Variants in LYSMD3 observed in about 807,000 individuals in gnomAD.
LYSMD3 encodes the protein LysM domain containing 3.
Under a neutral mutation model 26.1 loss-of-function variants are expected in LYSMD3, and 13 were observed. The observed-to-expected ratio is 0.50, with a 90% CI of 0.32 to 0.79. The LOEUF (loss-of-function observed/expected upper bound fraction) is 0.79. Ranked by LOEUF, LYSMD3 falls within the 30% of genes least tolerant of loss-of-function variation. The pLI is 0.03. For missense variants in LYSMD3, 331 were observed against 362.5 expected (o/e 0.91, Z 0.71); for synonymous variants, 109 against 119.4 (o/e 0.91, Z 0.57).
Position 90,517,878 on chromosome 5 carries a change from A to G in LYSMD3, c.*941T>C, listed in dbSNP as rs1752987258. On this transcript the variant is annotated 3_prime_UTR_variant, in exon 3 of 3. Transcript: ENST00000315948. The stretch of plus-strand genomic sequence containing the variant: ...GTAACGAATCTGATTGGACCATATG[A>G]AATAATGCTTATTTTTAATTCTGAA... 1.3e-5 allele frequency: 2 copies of G among 152,496 alleles called. No homozygotes were observed. The highest frequency in any genetic ancestry group is 2.4e-5 in the African/African-American group (1 of 41,428). 9.4% of individuals were successfully genotyped at this position (152,496 alleles called of 1,614,324 possible). A position where few individuals can be genotyped will look rare whatever the true frequency, so the allele number is the denominator to read the frequency against.
intron 1 of LYSMD3, chr5:90,529,200 A>G (rs1054335020): frequency 2.8e-6 from 1 of 353,394 alleles, no homozygotes; most frequent in East Asian, 7.6e-5. Context: ...TTAGCTGCCC[A>G]GGTAATCCAG....
At position 90,518,231 on chromosome 5, in the gene LYSMD3, T is replaced by C. The variant is rs2151920292; in HGVS notation, c.*588A>G. The C allele has an allele frequency of 2.0e-5, 3 of 152,366 alleles. No individual in the cohort carries two copies. The highest frequency in any genetic ancestry group is 2.0e-4 in the Admixed American group (3 of 15,300). The allele number at this position is 152,366 out of a possible 1,614,324, so 9.4% of individuals were successfully genotyped here. On this transcript the variant is annotated 3_prime_UTR_variant, in exon 3 of 3. Coordinates refer to ENST00000315948, the MANE Select transcript of LYSMD3 (RefSeq NM_198273.2). ...AACCATAATACATTATTTTGGGGTCTTGAAAATATTTTAATCTATTTCTTG... is the reference window on the plus strand; with the variant it reads ...AACCATAATACATTATTTTGGGGTCCTGAAAATATTTTAATCTATTTCTTG...
At chr5:90,520,697 A>T (rs1753069491) in intron 2 of LYSMD3, among the ~76,000 whole-genome samples, 1 of 152,186 alleles carries the variant, frequency 6.6e-6, no homozygotes, top group Non-Finnish European at 1.5e-5. Context: ...AGGCAGGTAG[A>T]TCACCTGAGG....
Position 90,529,550 on chromosome 5 carries a change from C to A in LYSMD3, c.-114G>T, listed in dbSNP as rs1423607107. The A allele has an allele frequency of 6.6e-6, 3 of 456,498 alleles. No individual in the cohort carries two copies. In the Admixed American group the frequency reaches 7.0e-5, roughly 11 times the overall value. 28.3% of individuals were successfully genotyped at this position (456,498 alleles called of 1,614,324 possible). On this transcript the variant is annotated 5_prime_UTR_variant, in exon 1 of 3. Coordinates refer to ENST00000315948, the MANE Select transcript of LYSMD3 (RefSeq NM_198273.2). ...TGGCCGAGCCTCTGCTTTGGGCTGA[C>A]CCCGTCCGCCTCCGCCTCTGCCGCC...
intron 2 of LYSMD3, among the ~76,000 whole-genome samples, chr5:90,524,658 T>C (rs1753173267): frequency 6.6e-6 from 1 of 152,242 alleles, no homozygotes; most frequent in African/African-American, 2.4e-5. Context: ...AGTGGCGCGA[T>C]CTCGGCTCCT....
intron 2 of LYSMD3, among the ~76,000 whole-genome samples, chr5:90,519,685 A>C (rs1753042899): frequency 6.6e-6 from 1 of 152,136 alleles, no homozygotes; most frequent in African/African-American, 2.4e-5. Context: ...GGAAATCACC[A>C]ACTACTTTTT....
intron 1 of LYSMD3, among the ~76,000 whole-genome samples, chr5:90,527,546 G>C (rs1210657996): frequency 6.6e-6 from 1 of 151,984 alleles, no homozygotes; most frequent in Non-Finnish European, 1.5e-5. Flanking sequence ...CACAAGGGTG[G>C]CTGAGATAGT....
intron 2 of LYSMD3, among the ~76,000 whole-genome samples, chr5:90,520,001 C>T (rs1753049903): frequency 6.6e-6 from 1 of 151,688 alleles, no homozygotes; most frequent in African/African-American, 2.4e-5. Flanking sequence ...GAAGATGCCA[C>T]CATTCCAAAA....
chr5:90,523,514 C>T (rs1338066147), intron 2 of LYSMD3, among the ~76,000 whole-genome samples: 1 of 151,682 alleles, frequency 6.6e-6, no homozygotes, highest in Non-Finnish European at 1.5e-5. Context: ...AAATACTTTA[C>T]ATCATGAAAA....
At chr5:90,524,991 CA>C in intron 2 of LYSMD3, 43 bp downstream of exon 2, 1 of 1,441,328 alleles carries the variant, frequency 6.9e-7, no homozygotes. Flanking sequence ...TGTGCGTAAA[CA>C]AATAATTTCT....
Position 90,516,128 on chromosome 5 carries a change from GGAAAA to G in LYSMD3, c.*2686_*2690del, listed in dbSNP as rs900579479. 6.6e-6 allele frequency: 1 copy of G among 151,990 alleles called. No homozygotes were observed. The highest frequency in any genetic ancestry group is 2.4e-5 in the African/African-American group (1 of 41,396). The allele number at this position is 151,990 out of a possible 1,614,324, so 9.4% of individuals were successfully genotyped here. A position where few individuals can be genotyped will look rare whatever the true frequency, so the allele number is the denominator to read the frequency against. On this transcript the variant is annotated 3_prime_UTR_variant, in exon 3 of 3. Coordinates refer to ENST00000315948, the MANE Select transcript of LYSMD3 (RefSeq NM_198273.2). The stretch of plus-strand genomic sequence containing the variant: ...CACTGAACCAAGCAGGTAGAGTCCA[GGAAAA>G]GAAAAGCTGTAAATAAAAAGTCCTT...
chr5:90,523,537 G>A (rs1036383513), intron 2 of LYSMD3, among the ~76,000 whole-genome samples: 1 of 151,856 alleles, frequency 6.6e-6, no homozygotes, highest in African/African-American at 2.4e-5. Context: ...TTGGGGGGAA[G>A]ATGAAAATAT....
Position 90,519,219 on chromosome 5 carries a change from C to T in LYSMD3, c.521G>A (p.Cys174Tyr), listed in dbSNP as rs1157651532. ...GAGGTTCTCTCTCTTATTGTCTGTACACTTTACTATTTGTTCTATGTCTCG... is the reference window on the plus strand; with the variant it reads ...GAGGTTCTCTCTCTTATTGTCTGTATACTTTACTATTTGTTCTATGTCTCG... ...VDRDIEQIVK[C>Y]TDNKRENLNE... is the part of the protein sequence containing the mutation. Residue 174 changes from cysteine (C) to tyrosine (Y), a missense_variant, in exon 3 of 3, where the codon TGT (cysteine) becomes TAT (tyrosine). Physicochemically the swap from Cys to Tyr is radical, Grantham distance 194. This residue lies in a region of LYSMD3 where 262 missense variants were observed against 267.3 expected (regional missense o/e 0.98). Transcript: ENST00000315948. The T allele has an allele frequency of 3.1e-6, 5 of 1,613,830 alleles. No individual in the cohort carries two copies. Among genetic ancestry groups the T allele is most frequent in the Non-Finnish European group, 3.4e-6 (4 of 1,179,984 alleles).
In LYSMD3 at chr5:90,516,194, T is replaced by C. The variant is rs909875920; in HGVS notation, c.*2625A>G. On this transcript the variant is annotated 3_prime_UTR_variant, in exon 3 of 3. Coordinates refer to ENST00000315948, the MANE Select transcript of LYSMD3 (RefSeq NM_198273.2). The stretch of plus-strand genomic sequence containing the variant: ...AATTTAACATGAGTCTTCTAATTTT[T>C]AATGTGGCCAGCAGAGTGTGTAACC... The C allele has an allele frequency of 2.7e-5, 4 of 148,206 alleles. No individual in the cohort carries two copies. The highest frequency in any genetic ancestry group is 5.9e-5 in the Non-Finnish European group (4 of 67,932). The allele number at this position is 148,206 out of a possible 1,614,324, so 9.2% of individuals were successfully genotyped here.
At chr5:90,526,745 C>G (rs1005864898) in intron 1 of LYSMD3, among the ~76,000 whole-genome samples, 1 of 152,036 alleles carries the variant, frequency 6.6e-6, no homozygotes, top group African/African-American at 2.4e-5. Context: ...GGAAGAGGAG[C>G]TGGGGGAGGA....
At chr5:90,524,646 G>A (rs1037650786) in intron 2 of LYSMD3, among the ~76,000 whole-genome samples, 1 of 152,196 alleles carries the variant, frequency 6.6e-6, no homozygotes, top group Non-Finnish European at 1.5e-5. Flanking sequence ...AGGCTGGAGT[G>A]CAGTGGCGCG....
Position 90,518,902 on chromosome 5 carries a change from T to G in LYSMD3, c.838A>C (p.Lys280Gln). ...TCTTGTTGGCTGAAATGTATTCCTT[T>G]AGTTGGCACAATTCCATTTTCCATT... ...REMENGIVPT[K>Q]GIHFSQQDDH... The change falls in exon 3 of 3, where the codon AAA (lysine) becomes CAA (glutamine). Residue 280 changes from lysine (K) to glutamine (Q), a missense_variant. By Grantham distance (53) the Lys-to-Gln change is moderately conservative. Coordinates refer to ENST00000315948, the MANE Select transcript of LYSMD3 (RefSeq NM_198273.2). The G allele has an allele frequency of 6.2e-7, 1 of 1,614,102 alleles. No individual in the cohort carries two copies. The highest frequency in any genetic ancestry group is 8.5e-7 in the Non-Finnish European group (1 of 1,179,958).
chr5:90,524,985 C>G, intron 2 of LYSMD3, 50 bp downstream of exon 2: 1 of 1,409,268 alleles, frequency 7.1e-7, no homozygotes, highest in Non-Finnish European at 9.6e-7. Flanking sequence ...TTTCAGTGTG[C>G]GTAAACAAAT....
At chr5:90,526,429 C>T (rs35200403) in intron 1 of LYSMD3, among the ~76,000 whole-genome samples, 1,857 of 152,256 alleles carry the variant, frequency 0.012, 42 homozygotes, top group African/African-American at 0.043. Context: ...TTTTTGTTTA[C>T]TTGCATACTA....
Sources: gnomAD v4.1 joint callset for allele counts (sites outside exome capture counted in the v4.1 genomes callset) on GRCh38, gnomAD v4.1.1 for gene constraint, gnomAD v4.1.1 regional missense constraint, MANE v1.5 for transcripts, NCBI Gene and HGNC (gene_info 2026-07-23, HGNC 2026-07-21) for gene names.